Variants in GSE1 observed in about 807,000 individuals in gnomAD.
The protein encoded by GSE1 is Gse1 coiled-coil protein, also known as genetic suppressor element 1.
Under a neutral mutation model 112.6 loss-of-function variants are expected in GSE1, and 32 were observed. The observed-to-expected ratio is 0.28, with a 90% confidence interval of 0.21 to 0.38. GSE1 has a LOEUF of 0.38. Among genes scored for constraint, GSE1 ranks in the 10% least tolerant of loss-of-function variants. GSE1 has a pLI of 1.00. For missense variants in GSE1, 2,348 were observed against 1,699.2 expected, an observed-to-expected ratio of 1.38 and a Z score of -6.71; for synonymous variants, 1,115 against 735.6, an observed-to-expected ratio of 1.52 and a Z score of -8.35.
At chr16:85,513,303 C>G (rs1205673987) in intron 2 of GSE1, among the ~76,000 whole-genome samples, 1 of 152,158 alleles carries the variant, frequency 6.6e-6, no homozygotes, top group Non-Finnish European at 1.5e-5. Context: ...GGACTCTAGC[C>G]TATCTGGTTC....
intron 2 of GSE1, among the ~76,000 whole-genome samples, chr16:85,445,088 G>C (rs1285439220): frequency 2.0e-5 from 3 of 152,232 alleles, no homozygotes; most frequent in African/African-American, 7.2e-5. Context: ...ATCTTCCCTG[G>C]CTTTATCTTC....
In GSE1 at chr16:85,388,258, G is replaced by A. The variant is rs1214024936; in HGVS notation, c.2464+30615G>A. On this transcript the variant is annotated intron_variant, in intron 2 of 2. Transcript: ENST00000637419. ...TGGATGGATGGATGGATGAATGGAT[G>A]TATGGCTGGATGGATGGGTGAGTGG... Among the ~76,000 whole-genome samples, 7 of 145,350 alleles carry A rather than the reference G, an allele frequency of 4.8e-5. 1 individual carries two copies. The highest frequency in any genetic ancestry group is 9.0e-5 in the Non-Finnish European group (6 of 66,394).
chr16:85,306,977 C>T (rs541026924), intron 1 of GSE1, among the ~76,000 whole-genome samples: 107 of 152,372 alleles, frequency 7.0e-4, no homozygotes, highest in Non-Finnish European at 1.3e-3. Flanking sequence ...TGCCCAAGCT[C>T]AGCACAAGCC....
chr16:85,219,500 C>T (rs2075356806), intron 1 of GSE1, among the ~76,000 whole-genome samples: 1 of 152,138 alleles, frequency 6.6e-6, no homozygotes, highest in African/African-American at 2.4e-5. Flanking sequence ...CCTCGGCCCT[C>T]AGGCCAGCTG....
At position 85,569,964 on chromosome 16, in the gene GSE1, C is replaced by G. The variant is rs537668281; in HGVS notation, c.37+13601C>G. ...GGGTGGAGGTGGGGGTTTCAATCCC[C>G]GCCTCTGTCGGAGGAGGACAGAGAA... On this transcript the variant is annotated intron_variant, in intron 1 of 2. Coordinates refer to the GSE1 transcript ENST00000635906. Among the ~76,000 whole-genome samples, 16 of 152,272 alleles carry G rather than the reference C, an allele frequency of 1.1e-4. No individual in the cohort carries two copies. In the South Asian group the frequency reaches 3.3e-3, roughly 32 times the overall value.
At chr16:85,263,097 G>T (rs755454180) in intron 1 of GSE1, among the ~76,000 whole-genome samples, 1 of 152,212 alleles carries the variant, frequency 6.6e-6, no homozygotes, top group Admixed American at 6.5e-5. Flanking sequence ...AATTAGCGAC[G>T]CGTAGTGATT....
chr16:85,430,067 T>A (rs12445601), intron 2 of GSE1, among the ~76,000 whole-genome samples: 84,460 of 151,662 alleles, frequency 0.56, 25,956 homozygotes, highest in Non-Finnish European at 0.7. Flanking sequence ...GGGGAATCCA[T>A]CGGGGGTTCA....
intron 1 of GSE1, among the ~76,000 whole-genome samples, chr16:85,274,969 C>T (rs1049481509): frequency 1.3e-5 from 2 of 152,240 alleles, no homozygotes; most frequent in Non-Finnish European, 2.9e-5. Flanking sequence ...TGCAGTTTCT[C>T]CATCAGCAGC....
chr16:85,206,275 G>A (rs1334534187), intron 1 of GSE1, among the ~76,000 whole-genome samples: 1 of 152,166 alleles, frequency 6.6e-6, no homozygotes, highest in African/African-American at 2.4e-5. Context: ...GGAAGCCCGG[G>A]CCGGAGACCT....
At chr16:85,581,748 C>T (rs2046457327) in intron 1 of GSE1, among the ~76,000 whole-genome samples, 1 of 152,194 alleles carries the variant, frequency 6.6e-6, no homozygotes, top group Non-Finnish European at 1.5e-5. Flanking sequence ...CTTCAGTGAG[C>T]TCGCCCTTCC....
At chr16:85,538,506 G>A (rs541519175) in intron 2 of GSE1, among the ~76,000 whole-genome samples, 3 of 152,270 alleles carry the variant, frequency 2.0e-5, no homozygotes, top group East Asian at 1.9e-4. Flanking sequence ...TCTTGTCGCC[G>A]GCCCCATGCG....
rs139917876 is a variant in GSE1 at position 85,532,139 on chromosome 16, T to C, written c.2465-101775T>C. Among the ~76,000 whole-genome samples, 439 of 152,316 alleles carry C rather than the reference T, an allele frequency of 2.9e-3. 3 individuals are homozygous for C. The highest frequency in any genetic ancestry group is 9.7e-3 in the African/African-American group (405 of 41,566). ...TTGTGTATTGGTTCTGTATATTAGC[T>C]TTTTCATCCTCACAACTTTGATAAC... On this transcript the variant is annotated intron_variant, in intron 2 of 2. Coordinates refer to the GSE1 transcript ENST00000637419.
intron 2 of GSE1, among the ~76,000 whole-genome samples, chr16:85,543,561 G>T (rs1034143180): frequency 1.2e-4 from 18 of 152,286 alleles, no homozygotes; most frequent in Admixed American, 9.8e-4. Flanking sequence ...TGATCCTGTT[G>T]TCCTGAGTCA....
At chr16:85,641,736 G>A (rs545914113) in intron 2 of GSE1, among the ~76,000 whole-genome samples, 3 of 152,348 alleles carry the variant, frequency 2.0e-5, no homozygotes, top group African/African-American at 7.2e-5. Flanking sequence ...TTTCCTCTGG[G>A]GTCTGCTATT....
At chr16:85,278,284 A>G (rs962580820) in intron 1 of GSE1, among the ~76,000 whole-genome samples, 1 of 152,176 alleles carries the variant, frequency 6.6e-6, no homozygotes, top group African/African-American at 2.4e-5. Context: ...GCTCCTGAGT[A>G]GTGAGGCCAC....
rs192405088 is a variant in GSE1, at chr16:85,466,810, A to G, written c.2464+109167A>G. ...CGCAGTGGCTCACACCTGTAATCCC[A>G]GCACTTTGGGAGGCCAAGGCAGGCA... On this transcript the variant is annotated intron_variant, in intron 2 of 2. Coordinates refer to the GSE1 transcript ENST00000637419. Among the ~76,000 whole-genome samples the G allele has an allele frequency of 4.5e-3, 679 of 152,336 alleles. 5 individuals are homozygous for G. The highest frequency in any genetic ancestry group is 0.015 in the African/African-American group (630 of 41,572).
chr16:85,437,078 C>T (rs988385978), intron 2 of GSE1, among the ~76,000 whole-genome samples: 6 of 152,340 alleles, frequency 3.9e-5, no homozygotes, highest in African/African-American at 4.8e-5. Context: ...CGCAGCCGGC[C>T]GGTCTCACAA....
rs1477659361 is a variant in GSE1, at chr16:85,188,071, C to T, written c.2283+16264C>T. 1.6e-4 allele frequency among the ~76,000 whole-genome samples: 24 copies of T among 152,178 alleles called. No homozygotes were observed. The East Asian group carries it at 4.2e-3, about 27-fold the overall frequency. On this transcript the variant is annotated intron_variant, in intron 1 of 2. Transcript: ENST00000637419. ...GCCCTGTTCACAGTGGCTGCCAGGC[C>T]GTGGCCACTGTCATCCAAGGGGAGG...
intron 1 of GSE1, among the ~76,000 whole-genome samples, chr16:85,276,954 G>A (rs2144226669): frequency 6.6e-6 from 1 of 152,340 alleles, no homozygotes; most frequent in East Asian, 1.9e-4. Flanking sequence ...AGGGGACCGT[G>A]CAGCCGGGCC....
Sources: allele counts gnomAD v4.1 joint callset (sites outside exome capture counted in the v4.1 genomes callset), GRCh38; gene constraint gnomAD v4.1.1; transcripts MANE v1.5; gene names NCBI Gene and HGNC (gene_info 2026-07-23, HGNC 2026-07-21).